Variants in WDR33 observed in about 807,000 individuals in gnomAD.
WDR33 encodes the protein pre-mRNA 3' end processing protein WDR33.
WDR33 carries 47 observed loss-of-function variants against 164.9 expected under a neutral mutation model. The observed-to-expected ratio is 0.29, with a 90% CI of 0.23 to 0.36. The LOEUF (loss-of-function observed/expected upper bound fraction) is 0.36, where lower values mean the gene tolerates loss of function less well. Among genes scored for constraint, WDR33 ranks in the 10% least tolerant of loss-of-function variants. The pLI, the probability that WDR33 is intolerant of heterozygous loss-of-function variation, is 1.00. For synonymous variants in WDR33, 505 were observed against 589.0 expected, an observed-to-expected ratio of 0.86 and a Z score of 2.06; for missense variants, 1,137 against 1,754.1, an observed-to-expected ratio of 0.65 and a Z score of 6.28.
chr2:127,722,029 A>C lies in WDR33; in HGVS notation c.1519-41T>G. 6.3e-7 allele frequency: 1 copy of C among 1,595,164 alleles called. No homozygotes were observed. On this transcript the variant is annotated intron_variant, in intron 14 of 21. Coordinates refer to ENST00000322313, the MANE Select transcript of WDR33 (RefSeq NM_018383.5). The surrounding 1 kb of genome is among the most constrained non-coding windows in gnomAD (Gnocchi z 5.1). ...AATATTAAAATGTACGCTAAGTATG[A>C]AAATTACAATGATAGAATGAGAAAA...
In WDR33 at chr2:127,741,492, G is replaced by A. The variant is rs113311717; in HGVS notation, c.725-14715C>T. On this transcript the variant is annotated intron_variant, in intron 7 of 21. Coordinates refer to ENST00000322313, the MANE Select transcript of WDR33 (RefSeq NM_018383.5). This position sits in a 1 kb window ranked among gnomAD's most constrained non-coding sequence, Gnocchi z 4.1. ...TCATTAAACACACACAAACATGCAC[G>A]TGTGTACACATGTACAAGCACACAC... Among the ~76,000 whole-genome samples, 52 of 152,236 alleles carry A rather than the reference G, an allele frequency of 3.4e-4. No homozygotes were observed. Among genetic ancestry groups the A allele is most frequent in the African/African-American group, 1.1e-3 (46 of 41,536 alleles).
At chr2:127,739,287 C>T (rs1686947963) in intron 7 of WDR33, among the ~76,000 whole-genome samples, 1 of 152,172 alleles carries the variant, frequency 6.6e-6, no homozygotes, top group African/African-American at 2.4e-5. Context: ...ATCTCTGAGC[C>T]AGGACCAAGA....
At chr2:127,777,186 T>A (rs1573444871) in intron 1 of WDR33, among the ~76,000 whole-genome samples, 1 of 152,234 alleles carries the variant, frequency 6.6e-6, no homozygotes, top group African/African-American at 2.4e-5. Flanking sequence ...GAATTCATCA[T>A]GCCTTTCTCC....
At chr2:127,766,454 C>G (rs1206225447) in intron 4 of WDR33, among the ~76,000 whole-genome samples, 2 of 152,070 alleles carry the variant, frequency 1.3e-5, no homozygotes, top group Non-Finnish European at 2.9e-5. Flanking sequence ...TGGTATGGAT[C>G]CTAACCCGGT....
chr2:127,756,356 T>A (rs1371775037), intron 7 of WDR33, among the ~76,000 whole-genome samples: 3 of 145,792 alleles, frequency 2.1e-5, no homozygotes, highest in South Asian at 2.2e-4. Flanking sequence ...AAAAGGTAAT[T>A]AAAGGGGAAA....
At chr2:127,725,329 A>T in intron 8 of WDR33, 114 bp from the exon 9 acceptor site, 1 of 1,028,388 alleles carries the variant, frequency 9.7e-7, no homozygotes, top group Non-Finnish European at 1.4e-6. Flanking sequence ...GCCTAGAAGC[A>T]ATAAAGCCTG....
intron 7 of WDR33, chr2:127,762,555 C>T: frequency 1.0e-6 from 1 of 982,168 alleles, no homozygotes; most frequent in Non-Finnish European, 1.2e-6. Context: ...AAACAAGCAG[C>T]AATGCCACCC....
At chr2:127,808,355 T>C (rs1290504205) in intron 1 of WDR33, among the ~76,000 whole-genome samples, 1 of 152,176 alleles carries the variant, frequency 6.6e-6, no homozygotes, top group Non-Finnish European at 1.5e-5. Context: ...CTAGGTCCAT[T>C]TGCTGCTGAA....
chr2:127,760,851 T>G (rs918068715), intron 7 of WDR33, among the ~76,000 whole-genome samples: 1 of 152,200 alleles, frequency 6.6e-6, no homozygotes, highest in Non-Finnish European at 1.5e-5. Context: ...TCATTATACC[T>G]TTGTACATGT....
chr2:127,724,969 C>G lies in WDR33; in HGVS notation c.1007-4G>C. 1 of 1,614,162 alleles carries G rather than the reference C, an allele frequency of 6.2e-7. No homozygotes were observed. The highest frequency in any genetic ancestry group is 1.6e-4 in the Middle Eastern group (1 of 6,062). ...TGAACAGGATGCCAGGCCACAGCTG[C>G]AGAACAAAAACATGGGAAAAGACAC... is the stretch of plus-strand genomic sequence containing the variant. On this transcript the variant is annotated splice_region_variant and splice_polypyrimidine_tract_variant and intron_variant, in intron 9 of 21. Coordinates refer to ENST00000322313, the MANE Select transcript of WDR33 (RefSeq NM_018383.5). This position sits in a 1 kb window ranked among gnomAD's most constrained non-coding sequence, Gnocchi z 4.8.
intron 7 of WDR33, among the ~76,000 whole-genome samples, chr2:127,727,238 C>G (rs1307748556): frequency 6.6e-6 from 1 of 152,092 alleles, no homozygotes; most frequent in African/African-American, 2.4e-5. Flanking sequence ...TTTAGGACAC[C>G]ACTTTCTAGA....
At chr2:127,746,058 A>AAG (rs1215891247) in intron 7 of WDR33, among the ~76,000 whole-genome samples, 4 of 151,632 alleles carry the variant, frequency 2.6e-5, no homozygotes, top group African/African-American at 7.3e-5. Context: ...AAAAAAAAAA[A>AAG]AAGGTAAGCA....
chr2:127,783,798 G>T (rs1439187039), intron 1 of WDR33, among the ~76,000 whole-genome samples: 2 of 151,422 alleles, frequency 1.3e-5, no homozygotes, highest in African/African-American at 2.4e-5. Flanking sequence ...TAGAGACAAG[G>T]TTTCACCATG....
At position 127,725,223 on chromosome 2, in the gene WDR33, C is replaced by T; in HGVS notation, c.852-8G>A. 1 of 1,575,938 alleles carries T rather than the reference C, an allele frequency of 6.3e-7. No homozygotes were observed. The highest frequency in any genetic ancestry group is 8.6e-7 in the Non-Finnish European group (1 of 1,168,418). On this transcript the variant is annotated splice_region_variant and splice_polypyrimidine_tract_variant and intron_variant, in intron 8 of 21. Coordinates refer to ENST00000322313, the MANE Select transcript of WDR33 (RefSeq NM_018383.5). ...GTGTTTTTATGGGCATGACTAGAAA[C>T]AAAGTATCAAAAAAAAATGTCAGAA...
chr2:127,743,609 T>A (rs1181364235), intron 7 of WDR33, among the ~76,000 whole-genome samples: 2 of 152,198 alleles, frequency 1.3e-5, no homozygotes, highest in African/African-American at 4.8e-5. Flanking sequence ...TCCTTGACAA[T>A]TCAGAAGTAA....
chr2:127,790,158 A>G (rs1688794719), intron 1 of WDR33, among the ~76,000 whole-genome samples: 1 of 152,126 alleles, frequency 6.6e-6, no homozygotes, highest in Non-Finnish European at 1.5e-5. Context: ...TCATGAAAGT[A>G]TACTGGAGTT....
In WDR33 at chr2:127,701,954, G is replaced by A. The variant is rs1405313333; in HGVS notation, c.*4369C>T. On this transcript the variant is annotated 3_prime_UTR_variant, in exon 22 of 22. Transcript: ENST00000322313. Reference sequence around the variant, plus strand: ...GCCTGCTGCGCTGCGAAGAAGCGCCGTCCCGGCCCGCGCTGCTCTACATGG... The same window carrying A: ...GCCTGCTGCGCTGCGAAGAAGCGCCATCCCGGCCCGCGCTGCTCTACATGG... 3 of 1,401,694 alleles carry A rather than the reference G, an allele frequency of 2.1e-6. No homozygotes were observed. The highest frequency in any genetic ancestry group is 3.3e-5 in the Admixed American group (1 of 30,216). The allele number at this position is 1,401,694 out of a possible 1,614,324, so 86.8% of individuals were successfully genotyped here. A position where few individuals can be genotyped will look rare whatever the true frequency, so the allele number is the denominator to read the frequency against.
chr2:127,744,934 A>C lies in WDR33; in HGVS notation c.724+18128T>G, dbSNP rs140052980. 7.2e-5 allele frequency among the ~76,000 whole-genome samples: 11 copies of C among 152,302 alleles called. No homozygotes were observed. In the East Asian group the frequency reaches 1.2e-3, roughly 16 times the overall value. On this transcript the variant is annotated intron_variant, in intron 7 of 21. Coordinates refer to ENST00000322313, the MANE Select transcript of WDR33 (RefSeq NM_018383.5). ...TTCACCATGCATGACTGATGAAAAA[A>C]ATGCATCTCAGTGTTGCATTTGGTC... is the stretch of plus-strand genomic sequence containing the variant.
chr2:127,737,989 G>A (rs761799424), intron 7 of WDR33: 2 of 1,610,930 alleles, frequency 1.2e-6, no homozygotes, highest in South Asian at 2.2e-5. Flanking sequence ...CCTAAACTTT[G>A]TCCACCTACT....
Sources: gnomAD v4.1 joint callset for allele counts (sites outside exome capture counted in the v4.1 genomes callset) on GRCh38, gnomAD v4.1.1 for gene constraint, Gnocchi (gnomAD v3.1) non-coding constraint, MANE v1.5 for transcripts, NCBI Gene and HGNC (gene_info 2026-07-23, HGNC 2026-07-21) for gene names.